Variants in MYO1D observed in about 807,000 individuals in gnomAD.
The protein encoded by MYO1D is myosin ID.
A neutral mutation model predicts 122.0 loss-of-function variants in MYO1D; 83 were observed. The observed-to-expected ratio is 0.68, with a 90% CI of 0.57 to 0.82. The LOEUF (loss-of-function observed/expected upper bound fraction) is 0.82. Ranked by LOEUF, MYO1D falls within the 40% of genes least tolerant of loss-of-function variation. The pLI, the probability that MYO1D is intolerant of heterozygous loss-of-function variation, is 0.00. For synonymous variants in MYO1D, 464 were observed against 446.9 expected, an observed-to-expected ratio of 1.04 and a Z score of -0.48; for missense variants, 1,157 against 1,269.5, an observed-to-expected ratio of 0.91 and a Z score of 1.35.
At chr17:32,678,115 T>G (rs548981518) in intron 16 of MYO1D, among the ~76,000 whole-genome samples, 1 of 152,294 alleles carries the variant, frequency 6.6e-6, no homozygotes, top group East Asian at 1.9e-4. Flanking sequence ...TCTCACAGCC[T>G]CCTTATTTAT....
intron 20 of MYO1D, among the ~76,000 whole-genome samples, chr17:32,605,533 A>G (rs1242585505): frequency 6.6e-6 from 1 of 152,184 alleles, no homozygotes; most frequent in Non-Finnish European, 1.5e-5. Context: ...GAAGGAAATA[A>G]TAAAGAGCAG....
chr17:32,801,803 A>G (rs1317458850), intron 1 of MYO1D, among the ~76,000 whole-genome samples: 1 of 152,176 alleles, frequency 6.6e-6, no homozygotes, highest in Non-Finnish European at 1.5e-5. Context: ...CTTGATTTCT[A>G]AATGCTATAC....
chr17:32,659,077 A>G, intron 17 of MYO1D, 38 bp downstream of exon 17: 1 of 1,562,364 alleles, frequency 6.4e-7, no homozygotes, highest in Non-Finnish European at 8.8e-7. Context: ...TAACTGTGCC[A>G]CCATAAATGG....
intron 10 of MYO1D, among the ~76,000 whole-genome samples, chr17:32,758,495 A>C (rs1567626860): frequency 6.6e-6 from 1 of 152,188 alleles, no homozygotes; most frequent in Non-Finnish European, 1.5e-5. Context: ...TCTTAGAGAA[A>C]TACATGGAAA....
chr17:32,679,268 A>C (rs1304093328), intron 16 of MYO1D, among the ~76,000 whole-genome samples: 2 of 150,944 alleles, frequency 1.3e-5, no homozygotes, highest in East Asian at 3.9e-4. Flanking sequence ...GTTTAATTAG[A>C]TCCCATTTGT....
chr17:32,702,448 T>C (rs986744213), intron 16 of MYO1D, among the ~76,000 whole-genome samples: 1 of 152,208 alleles, frequency 6.6e-6, no homozygotes, highest in Non-Finnish European at 1.5e-5. Flanking sequence ...TTAGCCTATA[T>C]CTTGAATATT....
chr17:32,531,494 A>G (rs1032870377), intron 21 of MYO1D: 1 of 152,234 alleles, frequency 6.6e-6, no homozygotes, highest in African/African-American at 2.4e-5. Context: ...CATCAGAAAG[A>G]GTTCTGATTT....
At chr17:32,740,796 A>C (rs2089763323) in intron 13 of MYO1D, among the ~76,000 whole-genome samples, 2 of 152,222 alleles carry the variant, frequency 1.3e-5, no homozygotes. Flanking sequence ...TTAACAAAAT[A>C]GTTTTCAACA....
intron 21 of MYO1D, among the ~76,000 whole-genome samples, chr17:32,525,427 T>C (rs1187885356): frequency 6.6e-6 from 1 of 152,088 alleles, no homozygotes. Flanking sequence ...ACATTTCTTA[T>C]CAAGTGATTT....
intron 1 of MYO1D, among the ~76,000 whole-genome samples, chr17:32,854,797 G>A (rs548151543): frequency 1.6e-4 from 24 of 152,302 alleles, no homozygotes; most frequent in Admixed American, 5.2e-4. Context: ...AATAAAGTCC[G>A]TAACTATAGC....
rs1224570359 is a variant in MYO1D, at chr17:32,757,786, T to C, written c.1297-2124A>G. Among the ~76,000 whole-genome samples, 3 of 152,152 alleles carry C rather than the reference T, an allele frequency of 2.0e-5. No homozygotes were observed. The East Asian group carries it at 5.8e-4, about 29-fold the overall frequency. ...CTGCTTCAAACATTGCTTAAACCAG[T>C]AGTTTTCAAACTAAGTTCTTCCAGC... On this transcript the variant is annotated intron_variant, in intron 10 of 21. Transcript: ENST00000318217.
intron 1 of MYO1D, among the ~76,000 whole-genome samples, chr17:32,870,713 C>T (rs2091171246): frequency 6.6e-6 from 1 of 152,058 alleles, no homozygotes; most frequent in African/African-American, 2.4e-5. Flanking sequence ...TGGGGAAGGG[C>T]AAATTCTGTA....
At chr17:32,837,283 C>CTTTTTTTTTTTTTTT (rs10692549) in intron 1 of MYO1D, among the ~76,000 whole-genome samples, 2 of 132,720 alleles carry the variant, frequency 1.5e-5, no homozygotes, top group Non-Finnish European at 3.2e-5. Flanking sequence ...GGCTGTTTGT[C>CTTTTTTTTTTTTTTT]TTTTTTTTTC....
chr17:32,835,204 A>T, intron 1 of MYO1D, among the ~76,000 whole-genome samples: 1 of 150,200 alleles, frequency 6.7e-6, no homozygotes, highest in African/African-American at 2.5e-5. Context: ...GTTTTGCCAG[A>T]TACCATACCC....
intron 1 of MYO1D, among the ~76,000 whole-genome samples, chr17:32,799,232 T>C (rs1018214024): frequency 6.6e-6 from 1 of 152,240 alleles, no homozygotes; most frequent in South Asian, 2.1e-4. Flanking sequence ...AAAAAACAAA[T>C]AATTTTCCCT....
At chr17:32,820,547 T>C (rs1165943129) in intron 1 of MYO1D, among the ~76,000 whole-genome samples, 1 of 152,008 alleles carries the variant, frequency 6.6e-6, no homozygotes, top group Non-Finnish European at 1.5e-5. Context: ...ACTACATGAT[T>C]TCACTTACAA....
At chr17:32,690,257 A>G (rs2089078174) in intron 16 of MYO1D, among the ~76,000 whole-genome samples, 1 of 148,656 alleles carries the variant, frequency 6.7e-6, no homozygotes, top group Non-Finnish European at 1.5e-5. Context: ...ATCTTGGCTC[A>G]CTGCACCTCC....
intron 19 of MYO1D, among the ~76,000 whole-genome samples, chr17:32,647,563 G>A (rs969177895): frequency 3.3e-5 from 5 of 152,040 alleles, no homozygotes; most frequent in African/African-American, 1.2e-4. Context: ...TTGATCAACT[G>A]CTCTGATTAT....
chr17:32,648,153 G>T (rs561359590), intron 19 of MYO1D, among the ~76,000 whole-genome samples: 3 of 152,248 alleles, frequency 2.0e-5, no homozygotes, highest in South Asian at 4.1e-4. Context: ...GGCAGAGGTT[G>T]CAGTGAGCCA....
Sources: gnomAD v4.1 joint callset for allele counts (sites outside exome capture counted in the v4.1 genomes callset) on GRCh38, gnomAD v4.1.1 for gene constraint, MANE v1.5 for transcripts, NCBI Gene and HGNC (gene_info 2026-07-23, HGNC 2026-07-21) for gene names.